PKIB: variants seen among roughly 807,000 people sequenced by gnomAD.
PKIB encodes the protein cAMP-dependent protein kinase inhibitor beta, also known as PKI-beta.
A neutral mutation model predicts 4.5 loss-of-function variants in PKIB; 2 were observed. The observed-to-expected ratio is 0.44, with a 90% CI of 0.18 to 1.39. PKIB has a LOEUF of 1.39. Ranked by LOEUF, PKIB falls within the 40% of genes most tolerant of loss-of-function variation. The pLI is 0.27. For missense variants in PKIB, 94 were observed against 92.6 expected (o/e 1.02, Z -0.06); for synonymous variants, 38 against 36.0 (o/e 1.06, Z -0.20).
intron 2 of PKIB, among the ~76,000 whole-genome samples, chr6:122,484,895 C>T (rs1004371109): frequency 6.6e-6 from 1 of 152,134 alleles, no homozygotes; most frequent in Admixed American, 6.6e-5. Context: ...TAGGAGTATG[C>T]GCCAGAAACA....
chr6:122,608,131 C>T (rs886167484), upstream of PKIB, among the ~76,000 whole-genome samples: 4 of 152,158 alleles, frequency 2.6e-5, no homozygotes, highest in Non-Finnish European at 4.4e-5. Flanking sequence ...TCAAAGAAAA[C>T]GATCCCATTT....
chr6:122,498,817 A>G (rs1346817422), intron 2 of PKIB, among the ~76,000 whole-genome samples: 1 of 152,214 alleles, frequency 6.6e-6, no homozygotes, highest in Non-Finnish European at 1.5e-5. Context: ...GATGACCACT[A>G]GCTAGATTAA....
At chr6:122,529,222 A>G (rs1478668563) in intron 2 of PKIB, among the ~76,000 whole-genome samples, 1 of 152,108 alleles carries the variant, frequency 6.6e-6, no homozygotes, top group African/African-American at 2.4e-5. Context: ...GATATATTAC[A>G]TAGATATTTT....
chr6:122,544,844 C>G (rs1030847725), intron 2 of PKIB, among the ~76,000 whole-genome samples: 1 of 150,296 alleles, frequency 6.7e-6, no homozygotes, highest in Non-Finnish European at 1.5e-5. Flanking sequence ...TGAACAGACA[C>G]TTCTTAAAAG....
intron 3 of PKIB, among the ~76,000 whole-genome samples, chr6:122,716,638 T>TGC (rs397804872): frequency 6.6e-6 from 1 of 151,514 alleles, no homozygotes; most frequent in African/African-American, 2.4e-5. Flanking sequence ...AAAAATATTG[T>TGC]TTCTAATGTC....
intron 2 of PKIB, among the ~76,000 whole-genome samples, chr6:122,521,671 C>T (rs1776952347): frequency 6.6e-6 from 1 of 152,012 alleles, no homozygotes; most frequent in African/African-American, 2.4e-5. Flanking sequence ...CAGAGCGAGA[C>T]TCCACCTCAA....
chr6:122,724,368 G>C (rs1779861243), intron 4 of PKIB, among the ~76,000 whole-genome samples: 1 of 152,172 alleles, frequency 6.6e-6, no homozygotes, highest in Non-Finnish European at 1.5e-5. Context: ...CCAGGAGCCA[G>C]CTCCAAAATT....
intron 2 of PKIB, among the ~76,000 whole-genome samples, chr6:122,513,290 A>G (rs1776644318): frequency 6.6e-6 from 1 of 152,210 alleles, no homozygotes; most frequent in African/African-American, 2.4e-5. Context: ...CAGAATTGAC[A>G]GTACACCAGT....
At chr6:122,538,862 T>C (rs1327724220) in intron 2 of PKIB, among the ~76,000 whole-genome samples, 13 of 151,996 alleles carry the variant, frequency 8.6e-5, no homozygotes. Context: ...CATTGAGCAG[T>C]GTGGTTTGTA....
rs535160500 is a variant in PKIB at position 122,485,548 on chromosome 6, G to A, written c.-248+7609G>A. ...ATTAGGCTTCAGGATAGCATCAGTC[G>A]TGTGTTACTGGAATACAGAAATCAG... On this transcript the variant is annotated intron_variant, in intron 2 of 6. Transcript: ENST00000392491. 9.9e-5 allele frequency among the ~76,000 whole-genome samples: 15 copies of A among 152,252 alleles called. No individual in the cohort carries two copies. The East Asian group carries it at 2.3e-3, about 23-fold the overall frequency.
chr6:122,687,857 T>A (rs558587079), intron 3 of PKIB, among the ~76,000 whole-genome samples: 16 of 152,242 alleles, frequency 1.1e-4, no homozygotes, highest in African/African-American at 3.8e-4. Flanking sequence ...TTTGGTGGAG[T>A]CTTTAGATTT....
intron 2 of PKIB, among the ~76,000 whole-genome samples, chr6:122,524,299 CCT>C (rs991736537): frequency 1.3e-5 from 2 of 149,558 alleles, no homozygotes; most frequent in Non-Finnish European, 3.0e-5. Flanking sequence ...TCCTCCTCAT[CCT>C]CTTTCTTTTT....
chr6:122,630,758 T>C (rs1775663316), intron 1 of PKIB, among the ~76,000 whole-genome samples: 1 of 152,328 alleles, frequency 6.6e-6, no homozygotes, highest in Admixed American at 6.5e-5. Context: ...TGCACGGATA[T>C]GCTATATCTG....
At chr6:122,579,125 A>T (rs905937756) in intron 2 of PKIB, among the ~76,000 whole-genome samples, 5 of 152,126 alleles carry the variant, frequency 3.3e-5, no homozygotes, top group African/African-American at 1.2e-4. Context: ...CATTTTCATG[A>T]CTTCTCATGA....
At position 122,725,286 on chromosome 6, in the gene PKIB, G is replaced by A. The variant is rs1779912557; in HGVS notation, c.*91G>A. 9.6e-7 allele frequency: 1 copy of A among 1,040,094 alleles called. No homozygotes were observed. Among genetic ancestry groups the A allele is most frequent in the Non-Finnish European group, 1.4e-6 (1 of 695,572 alleles). 64.4% of individuals were successfully genotyped at this position (1,040,094 alleles called of 1,614,324 possible). A position where few individuals can be genotyped will look rare whatever the true frequency, so the allele number is the denominator to read the frequency against. The stretch of plus-strand genomic sequence containing the variant: ...TGAGACATTTAATCTGGTGGTAACT[G>A]TGGTAACATTGCAGCCCTAAGCAGC... On this transcript the variant is annotated 3_prime_UTR_variant, in exon 5 of 5. Coordinates refer to ENST00000368452, the MANE Select transcript of PKIB (RefSeq NM_181795.3).
At chr6:122,508,876 G>A (rs553730356) in intron 2 of PKIB, among the ~76,000 whole-genome samples, 27 of 151,930 alleles carry the variant, frequency 1.8e-4, no homozygotes, top group South Asian at 4.2e-4. Flanking sequence ...TCAGCGTCCC[G>A]AGTAGCTGGG....
At chr6:122,541,564 A>T (rs1582686849) in intron 2 of PKIB, among the ~76,000 whole-genome samples, 2 of 151,932 alleles carry the variant, frequency 1.3e-5, no homozygotes, top group South Asian at 4.1e-4. Context: ...TGTTAATCTG[A>T]TGGGCTTCCC....
At chr6:122,474,905 T>G (rs980775427) in intron 1 of PKIB, among the ~76,000 whole-genome samples, 3 of 152,224 alleles carry the variant, frequency 2.0e-5, no homozygotes, top group Non-Finnish European at 2.9e-5. Flanking sequence ...AGTAAAAATT[T>G]CAATAATGGA....
chr6:122,718,382 A>G (rs897827611), intron 4 of PKIB, among the ~76,000 whole-genome samples: 7 of 152,142 alleles, frequency 4.6e-5, no homozygotes, highest in Non-Finnish European at 1.5e-5. Context: ...AAGCCCTTTA[A>G]TTTTCAAATC....
Sources: allele counts gnomAD v4.1 joint callset (sites outside exome capture counted in the v4.1 genomes callset), GRCh38; gene constraint gnomAD v4.1.1; transcripts MANE v1.5; gene names NCBI Gene and HGNC (gene_info 2026-07-23, HGNC 2026-07-21).